The following SLFN12L variants were observed in gnomAD, a reference collection of about 807,000 sequenced individuals.
The protein encoded by SLFN12L is schlafen family member 12-like.
Under a neutral mutation model 34.8 loss-of-function variants are expected in SLFN12L, and 34 were observed. The ratio of observed to expected loss-of-function variants is 0.98; its 90% CI spans 0.74 to 1.30. The LOEUF (loss-of-function observed/expected upper bound fraction) is 1.30. SLFN12L is among the 50% of genes most tolerant of loss of function. The pLI is 0.00. For missense variants in SLFN12L, 703 were observed against 696.2 expected (o/e 1.01, Z -0.11); for synonymous variants, 259 against 247.5 (o/e 1.05, Z -0.44).
chr17:35,469,491 A>G lies in SLFN12L; in HGVS notation c.*5432T>C, dbSNP rs1913771940. 6.6e-6 allele frequency among the ~76,000 whole-genome samples: 1 copy of G among 151,524 alleles called. No individual in the cohort carries two copies. The highest frequency in any genetic ancestry group is 1.9e-4 in the East Asian group (1 of 5,178). On this transcript the variant is annotated 3_prime_UTR_variant, in exon 5 of 5. Coordinates refer to ENST00000628453, the MANE Select transcript of SLFN12L (RefSeq NM_001363830.2). Reference sequence around the variant, plus strand: ...GGACCAGCCTACAAGGGCTCTTTATACTTCCACATTGTTCTTCTATCTTAC... The same window carrying G: ...GGACCAGCCTACAAGGGCTCTTTATGCTTCCACATTGTTCTTCTATCTTAC...
At chr17:35,534,178 C>T (rs911459771) in intron 1 of SLFN12L, among the ~76,000 whole-genome samples, 2 of 151,964 alleles carry the variant, frequency 1.3e-5, no homozygotes, top group African/African-American at 2.4e-5. Flanking sequence ...CTGGCTAACA[C>T]GGTGAAACCC....
At chr17:35,534,742 G>T (rs925011211) in intron 1 of SLFN12L, among the ~76,000 whole-genome samples, 1 of 152,166 alleles carries the variant, frequency 6.6e-6, no homozygotes, top group African/African-American at 2.4e-5. Flanking sequence ...ATGAGATACT[G>T]CTTCTCACCC....
At chr17:35,515,324 G>A in intron 2 of SLFN12L, 1 of 359,604 alleles carries the variant, frequency 2.8e-6, no homozygotes. Context: ...CCAGGGTTCT[G>A]AAGATTAAAA....
chr17:35,475,923 A>ATT (rs766381656), intron 4 of SLFN12L, among the ~76,000 whole-genome samples: 6,217 of 142,912 alleles, frequency 0.044, 149 homozygotes, highest in East Asian at 0.088. Flanking sequence ...ATATATATAT[A>ATT]TTTTTTTAAA....
At position 35,466,072 on chromosome 17, in the gene SLFN12L, C is replaced by T. The variant is rs1913715999; in HGVS notation, c.*8851G>A. Among the ~76,000 whole-genome samples the T allele has an allele frequency of 3.3e-5, 5 of 152,142 alleles. No individual in the cohort carries two copies. On this transcript the variant is annotated 3_prime_UTR_variant, in exon 5 of 5. Coordinates refer to ENST00000628453, the MANE Select transcript of SLFN12L (RefSeq NM_001363830.2). ...TTTCCATATACCCACTGCCCGCACT[C>T]ATGCATAGCCTCCCCCATTAGCAAC...
Position 35,466,583 on chromosome 17 carries a change from GT to G in SLFN12L, c.*8339del, listed in dbSNP as rs1390773090. 1.3e-5 allele frequency among the ~76,000 whole-genome samples: 2 copies of G among 152,042 alleles called. No individual in the cohort carries two copies. The highest frequency in any genetic ancestry group is 2.9e-5 in the Non-Finnish European group (2 of 68,000). On this transcript the variant is annotated 3_prime_UTR_variant, in exon 5 of 5. Coordinates refer to ENST00000628453, the MANE Select transcript of SLFN12L (RefSeq NM_001363830.2). ...TCCAACATCTTTTCATCCTTTTTGG[GT>G]TTTCATGGCAAAATATTCTTCACTT...
intron 2 of SLFN12L, chr17:35,490,434 CA>C: frequency 8.5e-7 from 1 of 1,178,044 alleles, no homozygotes. Flanking sequence ...TGGTTTTGAA[CA>C]AGGCAGCGGA....
chr17:35,533,511 C>T (rs1462250591), intron 1 of SLFN12L, among the ~76,000 whole-genome samples: 1 of 152,066 alleles, frequency 6.6e-6, no homozygotes, highest in East Asian at 1.9e-4. Context: ...CCTCACCTGG[C>T]AGTTGGAGAG....
rs1915889485 is a variant in SLFN12L, at chr17:35,518,153, G to T, written c.86+4126C>A. ...TTTTTGCAATCTACCATCTGACAAA[G>T]GTCTAATATCCAGGATCTACAAGGA... On this transcript the variant is annotated intron_variant, in intron 2 of 4. Coordinates refer to ENST00000628453, the MANE Select transcript of SLFN12L (RefSeq NM_001363830.2). 2.6e-5 allele frequency among the ~76,000 whole-genome samples: 4 copies of T among 152,172 alleles called. No individual in the cohort carries two copies. In the South Asian group the frequency reaches 8.3e-4, roughly 32 times the overall value.
In SLFN12L at chr17:35,530,422, GAAGGAAGGGAAGGGAAGGGAAGAAAGAAA is replaced by G. The variant is rs1567693704; in HGVS notation, c.-606+7122_-606+7150del. Among the ~76,000 whole-genome samples the G allele has an allele frequency of 4.3e-3, 41 of 9,564 alleles. 1 individual carries two copies. Among genetic ancestry groups the G allele is most frequent in the African/African-American group, 0.011 (40 of 3,638 alleles). The allele number at this position is 9,564 out of a possible 152,430, so 6.3% of individuals were successfully genotyped here. The stretch of plus-strand genomic sequence containing the variant: ...GGAAGGAAGGAAGGAAGGAAGGAAG[GAAGGAAGGGAAGGGAAGGGAAGAAAGAAA>G]GAAAGAAAGAAAGAAAGAAAGAAAG... On this transcript the variant is annotated intron_variant, in intron 1 of 4. Transcript: ENST00000628453.
chr17:35,496,319 A>G (rs114424950), intron 2 of SLFN12L, among the ~76,000 whole-genome samples: 1,866 of 152,198 alleles, frequency 0.012, 43 homozygotes, highest in African/African-American at 0.042. Flanking sequence ...CTGCACTCCA[A>G]CTTTGGCGAC....
chr17:35,536,637 T>C (rs766100363), intron 1 of SLFN12L, among the ~76,000 whole-genome samples: 4 of 150,986 alleles, frequency 2.6e-5, no homozygotes, highest in Non-Finnish European at 4.4e-5. Context: ...GGAAATCCAG[T>C]CTCTACAAAA....
chr17:35,498,949 G>T (rs1308222055), intron 2 of SLFN12L: 8 of 718,234 alleles, frequency 1.1e-5, no homozygotes, highest in Non-Finnish European at 1.8e-5. Flanking sequence ...TTACAGGAGC[G>T]CATTAAGCAA....
At chr17:35,490,227 T>C in intron 2 of SLFN12L, 1 of 1,572,232 alleles carries the variant, frequency 6.4e-7, no homozygotes. Flanking sequence ...AAGTGAAGTC[T>C]GGAGCTAGGA....
At position 35,473,355 on chromosome 17, in the gene SLFN12L, C is replaced by T. The variant is rs947600328; in HGVS notation, c.*1568G>A. Among the ~76,000 whole-genome samples, 1 of 152,116 alleles carries T rather than the reference C, an allele frequency of 6.6e-6. No individual in the cohort carries two copies. The highest frequency in any genetic ancestry group is 1.5e-5 in the Non-Finnish European group (1 of 68,026). On this transcript the variant is annotated 3_prime_UTR_variant, in exon 5 of 5. Coordinates refer to ENST00000628453, the MANE Select transcript of SLFN12L (RefSeq NM_001363830.2). Reference sequence around the variant, plus strand: ...TACCCAGTTTATTGAGAGTTTTTAACATAAAGGGATGTTGAATTTTGTCAG... The same window carrying T: ...TACCCAGTTTATTGAGAGTTTTTAATATAAAGGGATGTTGAATTTTGTCAG...
At position 35,522,296 on chromosome 17, in the gene SLFN12L, A is replaced by C. The variant is rs187601181; in HGVS notation, c.69T>G (p.Phe23Leu). The stretch of plus-strand genomic sequence containing the variant: ...CTGCTTACCTGATGAAATTCCTCAG[A>C]AACTGACTTTCACAAATGTAGAGAA... ...HRILYICESQ[F>L]LRNFIRKEFL... The change falls in exon 2 of 5, where the codon TTT becomes TTG. Residue 23 changes from phenylalanine (F) to leucine (L), a missense_variant. Phe to Leu is a conservative substitution (Grantham distance 22). Transcript: ENST00000628453. 3 of 1,614,202 alleles carry C rather than the reference A, an allele frequency of 1.9e-6. No individual in the cohort carries two copies. In the East Asian group the frequency reaches 6.7e-5, roughly 36 times the overall value.
intron 2 of SLFN12L, among the ~76,000 whole-genome samples, chr17:35,510,698 G>T (rs995366932): frequency 6.6e-6 from 1 of 151,918 alleles, no homozygotes; most frequent in African/African-American, 2.4e-5. Flanking sequence ...TTATTGAATT[G>T]TACACTTTGA....
intron 2 of SLFN12L, among the ~76,000 whole-genome samples, chr17:35,512,396 C>T (rs1187120691): frequency 1.6e-4 from 22 of 136,606 alleles, no homozygotes; most frequent in Admixed American, 1.3e-3. Flanking sequence ...AACGGAGTCT[C>T]GCTCTGTCGC....
chr17:35,488,844 C>A (rs905240337), intron 2 of SLFN12L, among the ~76,000 whole-genome samples: 8 of 151,496 alleles, frequency 5.3e-5, no homozygotes, highest in Non-Finnish European at 1.2e-4. Context: ...CAGAGGCGGG[C>A]GGATCACCTG....
Sources: allele counts gnomAD v4.1 joint callset (sites outside exome capture counted in the v4.1 genomes callset), GRCh38; gene constraint gnomAD v4.1.1; transcripts MANE v1.5; gene names NCBI Gene and HGNC (gene_info 2026-07-23, HGNC 2026-07-21).